The following DPP10 variants were observed in gnomAD, a reference collection of about 807,000 sequenced individuals.
The protein encoded by DPP10 is inactive dipeptidyl peptidase 10.
In DPP10, 33 loss-of-function variants were observed where a neutral mutation model predicts 120.9. That is an observed-to-expected ratio of 0.27 (90% confidence interval 0.21 to 0.37). The LOEUF is 0.37. Ranked by LOEUF, DPP10 falls within the 10% of genes least tolerant of loss-of-function variation. The pLI is 1.00. For synonymous variants in DPP10, 337 were observed against 326.1 expected (o/e 1.03, Z -0.36); for missense variants, 816 against 942.8 (o/e 0.87, Z 1.76).
At chr2:115,411,331 CA>C (rs921002278) in intron 3 of DPP10, among the ~76,000 whole-genome samples, 1 of 147,424 alleles carries the variant, frequency 6.8e-6, no homozygotes, top group African/African-American at 2.5e-5. Context: ...GACTCCGTCT[CA>C]AAAAAAAAGG....
chr2:114,982,837 G>A (rs1190060388), intron 1 of DPP10, among the ~76,000 whole-genome samples: 1 of 151,824 alleles, frequency 6.6e-6, no homozygotes, highest in African/African-American at 2.4e-5. Context: ...GAACTCCTGG[G>A]CTCAAGCGAT....
At chr2:114,980,785 C>A (rs558024924) in intron 1 of DPP10, among the ~76,000 whole-genome samples, 1 of 151,990 alleles carries the variant, frequency 6.6e-6, no homozygotes, top group Non-Finnish European at 1.5e-5. Context: ...GCCACTGCAC[C>A]CCACCTCCAC....
intron 1 of DPP10, among the ~76,000 whole-genome samples, chr2:115,148,854 A>G (rs560074029): frequency 2.0e-5 from 3 of 151,936 alleles, no homozygotes; most frequent in African/African-American, 7.2e-5. Flanking sequence ...AAAAATAACC[A>G]CCCTCTTGAC....
chr2:115,103,227 G>T (rs1172687012), intron 1 of DPP10, among the ~76,000 whole-genome samples: 2 of 129,178 alleles, frequency 1.5e-5, no homozygotes, highest in South Asian at 2.3e-4. Context: ...TCACTGTGTC[G>T]CCCAGGCTGG....
At chr2:115,552,655 T>C (rs2079946748) in intron 5 of DPP10, among the ~76,000 whole-genome samples, 1 of 152,124 alleles carries the variant, frequency 6.6e-6, no homozygotes, top group South Asian at 2.1e-4. Flanking sequence ...AATTTTTAAA[T>C]GTGTTTTTGT....
At chr2:114,980,669 C>T (rs181418430) in intron 1 of DPP10, among the ~76,000 whole-genome samples, 1 of 151,554 alleles carries the variant, frequency 6.6e-6, no homozygotes, top group Non-Finnish European at 1.5e-5. Flanking sequence ...TCAGAAATTC[C>T]CTGAACTAGA....
chr2:115,689,877 T>C lies in DPP10; in HGVS notation c.532T>C (p.Ser178Pro). The stretch of plus-strand genomic sequence containing the variant: ...GTTAAATCCTCCAGAAGTAGAGGAC[T>C]CCGTCTTGCAGTACGCGGCCTGGGG... ...WELNPPEVED[S>P]VLQYAAWGVQ... The change falls in exon 7 of 26, where the codon TCC (serine) becomes CCC (proline). Residue 178 changes from serine (S) to proline (P), a missense_variant. Transcript: ENST00000410059. 6.2e-7 allele frequency: 1 copy of C among 1,613,888 alleles called. No homozygotes were observed. Among genetic ancestry groups the C allele is most frequent in the Non-Finnish European group, 8.5e-7 (1 of 1,179,940 alleles).
intron 1 of DPP10, among the ~76,000 whole-genome samples, chr2:114,963,732 A>G (rs1177768800): frequency 6.6e-6 from 1 of 152,192 alleles, no homozygotes; most frequent in African/African-American, 2.4e-5. Context: ...CAAGGCTTGA[A>G]GAAACCAATG....
chr2:115,743,218 G>A (rs1019227827), intron 9 of DPP10, among the ~76,000 whole-genome samples: 3 of 151,976 alleles, frequency 2.0e-5, no homozygotes, highest in Non-Finnish European at 2.9e-5. Flanking sequence ...ATGAACTTGC[G>A]ATGTGTGCTT....
chr2:115,554,163 T>C (rs1182839467), intron 5 of DPP10, among the ~76,000 whole-genome samples: 2 of 151,896 alleles, frequency 1.3e-5, no homozygotes, highest in Non-Finnish European at 2.9e-5. Context: ...ATTTTGACCC[T>C]ACATTTTACA....
At chr2:115,261,136 C>T (rs1226095365) in intron 1 of DPP10, among the ~76,000 whole-genome samples, 1 of 152,128 alleles carries the variant, frequency 6.6e-6, no homozygotes, top group Non-Finnish European at 1.5e-5. Context: ...AAAACAACAA[C>T]AAGAACAACA....
In DPP10 at chr2:114,989,961, A is replaced by G. The variant is rs141458114; in HGVS notation, c.61-319278A>G. Among the ~76,000 whole-genome samples the G allele has an allele frequency of 5.8e-3, 889 of 152,288 alleles. 1 individual carries two copies. Among genetic ancestry groups the G allele is most frequent in the African/African-American group, 0.02 (837 of 41,558 alleles). ...TAAAATATAATGGATCCAGTGGTAGAATGAAAGATTCAGTTTCCTTAACTT... is the reference window on the plus strand; with the variant it reads ...TAAAATATAATGGATCCAGTGGTAGGATGAAAGATTCAGTTTCCTTAACTT... On this transcript the variant is annotated intron_variant, in intron 1 of 25. Transcript: ENST00000410059.
At chr2:115,772,683 C>G (rs1290692889) in intron 13 of DPP10, among the ~76,000 whole-genome samples, 1 of 152,056 alleles carries the variant, frequency 6.6e-6, no homozygotes, top group East Asian at 1.9e-4. Context: ...CCCCTTTGCC[C>G]CTTGAAAAAT....
At position 115,537,598 on chromosome 2, in the gene DPP10, G is replaced by C. The variant is rs2078932629; in HGVS notation, c.441+11626G>C. Among the ~76,000 whole-genome samples, 4 of 124,502 alleles carry C rather than the reference G, an allele frequency of 3.2e-5. No individual in the cohort carries two copies. In the South Asian group the frequency reaches 1.1e-3, roughly 33 times the overall value. The allele number at this position is 124,502 out of a possible 152,430, so 81.7% of individuals were successfully genotyped here. ...TTTTTTTTCTCATGGATCTGTGTAT[G>C]GTCTAGAACAAAAAAACATACTTTG... On this transcript the variant is annotated intron_variant, in intron 5 of 25. Transcript: ENST00000410059.
chr2:115,162,412 C>A (rs2052476146), intron 1 of DPP10: 2 of 1,248,774 alleles, frequency 1.6e-6, no homozygotes, highest in East Asian at 3.0e-5. Flanking sequence ...GACGGCCGCT[C>A]ACCGGGTTCG....
chr2:115,485,251 A>C (rs1488167635), intron 3 of DPP10, among the ~76,000 whole-genome samples: 4 of 151,600 alleles, frequency 2.6e-5, no homozygotes, highest in South Asian at 2.1e-4. Context: ...AAAAAAAAAA[A>C]AAAAACAAAC....
At chr2:114,798,272 C>A (rs534100800) in intron 1 of DPP10, among the ~76,000 whole-genome samples, 3 of 151,978 alleles carry the variant, frequency 2.0e-5, no homozygotes, top group African/African-American at 7.3e-5. Context: ...AGTAATGGGT[C>A]AGTGTTGGTT....
At position 115,790,071 on chromosome 2, in the gene DPP10, AT is replaced by A. The variant is rs70941099; in HGVS notation, c.1532-991del. 1.3e-3 allele frequency among the ~76,000 whole-genome samples: 154 copies of A among 118,158 alleles called. 1 individual carries two copies. The highest frequency in any genetic ancestry group is 3.8e-3 in the South Asian group (14 of 3,650). 77.5% of individuals were successfully genotyped at this position (118,158 alleles called of 152,430 possible). On this transcript the variant is annotated intron_variant, in intron 17 of 25. Transcript: ENST00000410059. ...ATGTATATATATGGATTAGAAGGCT[AT>A]TTTTTTTTTTTTTTTTTTGAGACGG...
At chr2:114,954,041 C>G (rs575658595) in intron 1 of DPP10, among the ~76,000 whole-genome samples, 67 of 149,798 alleles carry the variant, frequency 4.5e-4, no homozygotes, top group Non-Finnish European at 7.2e-4. Context: ...TAATTCTGCC[C>G]CAGAAAAACC....
Sources: gnomAD v4.1 joint callset for allele counts (sites outside exome capture counted in the v4.1 genomes callset) on GRCh38, gnomAD v4.1.1 for gene constraint, MANE v1.5 for transcripts, NCBI Gene and HGNC (gene_info 2026-07-23, HGNC 2026-07-21) for gene names.